Variants in TEX36 observed in about 807,000 individuals in gnomAD.
TEX36 encodes testis expressed 36.
A neutral mutation model predicts 13.6 loss-of-function variants in TEX36; 12 were observed. The ratio of observed to expected loss-of-function variants is 0.88; its 90% CI spans 0.56 to 1.43. The LOEUF is 1.43. Ranked by LOEUF, TEX36 falls within the 40% of genes most tolerant of loss-of-function variation. The pLI is 0.00. For missense variants in TEX36, 224 were observed against 228.3 expected, an observed-to-expected ratio of 0.98 and a Z score of 0.12; for synonymous variants, 93 against 83.0, an observed-to-expected ratio of 1.12 and a Z score of -0.65.
At chr10:125,596,365 G>A (rs1166761229) in intron 3 of TEX36, among the ~76,000 whole-genome samples, 1 of 152,148 alleles carries the variant, frequency 6.6e-6, no homozygotes, top group African/African-American at 2.4e-5. Flanking sequence ...TAGAAGGAAA[G>A]GGAAGAGGAG....
At position 125,679,417 on chromosome 10, in the gene TEX36, C is replaced by T. The variant is rs890299288; in HGVS notation, c.51+3522G>A. Among the ~76,000 whole-genome samples the T allele has an allele frequency of 6.6e-5, 10 of 152,170 alleles. No individual in the cohort carries two copies. In the South Asian group the frequency reaches 1.0e-3, roughly 16 times the overall value. ...AGATAGATTTGAAAATGGCACCTTGCTATAGCAGCCTGGGTCTCAGAAAGG... is the reference window on the plus strand; with the variant it reads ...AGATAGATTTGAAAATGGCACCTTGTTATAGCAGCCTGGGTCTCAGAAAGG... On this transcript the variant is annotated intron_variant, in intron 1 of 3. Coordinates refer to ENST00000368821, the MANE Select transcript of TEX36 (RefSeq NM_001128202.3).
intron 1 of TEX36, among the ~76,000 whole-genome samples, chr10:125,682,137 GA>G (rs1168930744): frequency 6.6e-6 from 1 of 152,082 alleles, no homozygotes; most frequent in Non-Finnish European, 1.5e-5. Context: ...ATGAATTGTA[GA>G]AATCAGAAAT....
rs540691861 is a variant in TEX36 at position 125,599,542 on chromosome 10, G to GGA, written c.265-22670_265-22669dup. 4.8e-4 allele frequency among the ~76,000 whole-genome samples: 73 copies of GGA among 152,222 alleles called. No individual in the cohort carries two copies. In the East Asian group the frequency reaches 7.1e-3, roughly 15 times the overall value. Reference sequence around the variant, plus strand: ...CATGTTCTTAGATTCCATGCATGCTGGAGGACCTGGATGAATAGCAAATGG... The same window carrying GGA: ...CATGTTCTTAGATTCCATGCATGCTGGAGAGGACCTGGATGAATAGCAAATGG... On this transcript the variant is annotated intron_variant, in intron 3 of 3. Coordinates refer to the TEX36 transcript ENST00000532135.
chr10:125,576,862 C>T (rs1335451628), exon 4 of TEX36: 5 of 1,536,110 alleles, frequency 3.3e-6, no homozygotes, highest in Admixed American at 2.0e-5. Flanking sequence ...GGGTCCGTTG[C>T]TGTCATTCTT....
At chr10:125,662,756 G>A (rs771609528) in intron 1 of TEX36, among the ~76,000 whole-genome samples, 16 of 152,174 alleles carry the variant, frequency 1.1e-4, no homozygotes, top group African/African-American at 1.2e-4. Context: ...ACCCCCAGAA[G>A]AAGGCGTGAC....
At chr10:125,605,634 C>T (rs1357493928) in intron 3 of TEX36, among the ~76,000 whole-genome samples, 1 of 152,162 alleles carries the variant, frequency 6.6e-6, no homozygotes, top group African/African-American at 2.4e-5. Flanking sequence ...TGGAGTCTCG[C>T]TCTGTCACCC....
At chr10:125,605,705 G>A (rs150417327) in intron 3 of TEX36, among the ~76,000 whole-genome samples, 10 of 152,192 alleles carry the variant, frequency 6.6e-5, no homozygotes, top group South Asian at 2.1e-4. Flanking sequence ...GGGTTCAAGC[G>A]ATTCTCCTGC....
Position 125,588,577 on chromosome 10 carries a change from A to C in TEX36, c.265-11703T>G, listed in dbSNP as rs1845985230. ...TGGGAGAAAGAGGGAGAGAAGCGGGAGGCCCCAGGCTCTTGGTTTGTTTGT... is the reference window on the plus strand; with the variant it reads ...TGGGAGAAAGAGGGAGAGAAGCGGGCGGCCCCAGGCTCTTGGTTTGTTTGT... On this transcript the variant is annotated intron_variant, in intron 3 of 3. Transcript: ENST00000532135. Among the ~76,000 whole-genome samples, 4 of 144,392 alleles carry C rather than the reference A, an allele frequency of 2.8e-5. 1 individual carries two copies. The South Asian group carries it at 8.8e-4, about 32-fold the overall frequency. The allele number at this position is 144,392 out of a possible 152,430, so 94.7% of individuals were successfully genotyped here.
chr10:125,631,974 G>C (rs1007531846), intron 3 of TEX36, among the ~76,000 whole-genome samples: 1 of 152,114 alleles, frequency 6.6e-6, no homozygotes, highest in Non-Finnish European at 1.5e-5. Flanking sequence ...GTGTGGTGGC[G>C]TGTGGAGGAG....
rs1020997663 is a variant in TEX36 at position 125,661,699 on chromosome 10, G to C, written c.183+147C>G. ...CTGCCGCAGAGCACCAGGGTATGGG[G>C]TGGGGATACTACCAACCCTTAGGGG... On this transcript the variant is annotated intron_variant, in intron 2 of 3. Coordinates refer to ENST00000368821, the MANE Select transcript of TEX36 (RefSeq NM_001128202.3). 3 of 1,001,876 alleles carry C rather than the reference G, an allele frequency of 3.0e-6. No individual in the cohort carries two copies. The African/African-American group carries it at 4.9e-5, about 16-fold the overall frequency. The allele number at this position is 1,001,876 out of a possible 1,614,324, so 62.1% of individuals were successfully genotyped here.
At chr10:125,586,048 C>A (rs560411742) in intron 3 of TEX36, among the ~76,000 whole-genome samples, 1 of 152,264 alleles carries the variant, frequency 6.6e-6, no homozygotes, top group East Asian at 1.9e-4. Context: ...CAGTAATAGA[C>A]GGCAACTGTG....
At chr10:125,604,715 G>A (rs184741108) in intron 3 of TEX36, among the ~76,000 whole-genome samples, 1,573 of 152,232 alleles carry the variant, frequency 0.01, 10 homozygotes, top group Middle Eastern at 0.027. Flanking sequence ...AGGAGGCTGA[G>A]GCAGAAGAAT....
chr10:125,640,965 T>C, intron 3 of TEX36, among the ~76,000 whole-genome samples: 1 of 146,810 alleles, frequency 6.8e-6, no homozygotes. Context: ...CCCACACCCA[T>C]CTCTCCCCCC....
At position 125,683,042 on chromosome 10, in the gene TEX36, G is replaced by A. The variant is rs1847422139; in HGVS notation, c.-53C>T. 6.5e-7 allele frequency: 1 copy of A among 1,541,736 alleles called. No individual in the cohort carries two copies. Among genetic ancestry groups the A allele is most frequent in the Non-Finnish European group, 8.8e-7 (1 of 1,138,068 alleles). ...GATTGGCTCCCTCACCTCTCCATAAGCTCTACATGTCTGGGAAGCTGCTTC... is the reference window on the plus strand; with the variant it reads ...GATTGGCTCCCTCACCTCTCCATAAACTCTACATGTCTGGGAAGCTGCTTC... On this transcript the variant is annotated 5_prime_UTR_variant, in exon 1 of 4. Transcript: ENST00000368821.
intron 1 of TEX36, among the ~76,000 whole-genome samples, chr10:125,681,384 T>C (rs970067739): frequency 1.3e-5 from 2 of 152,258 alleles, no homozygotes; most frequent in Non-Finnish European, 2.9e-5. Flanking sequence ...CAATTGTAAC[T>C]GATACATAGG....
At chr10:125,630,340 C>T (rs1468580191) in intron 3 of TEX36, among the ~76,000 whole-genome samples, 1 of 152,140 alleles carries the variant, frequency 6.6e-6, no homozygotes, top group Non-Finnish European at 1.5e-5. Flanking sequence ...GCTGGATACA[C>T]TTGAAGGCTT....
At chr10:125,631,462 A>G (rs920778811) in intron 3 of TEX36, among the ~76,000 whole-genome samples, 1 of 152,184 alleles carries the variant, frequency 6.6e-6, no homozygotes, top group Non-Finnish European at 1.5e-5. Flanking sequence ...CGCCGGAATG[A>G]GAGAAAAGCG....
At chr10:125,680,166 C>A (rs1232497865) in intron 1 of TEX36, among the ~76,000 whole-genome samples, 1 of 152,134 alleles carries the variant, frequency 6.6e-6, no homozygotes, top group African/African-American at 2.4e-5. Context: ...AAAGGGTCTT[C>A]GGGTTCTGAA....
At chr10:125,617,285 C>T (rs1439295935), downstream of TEX36, among the ~76,000 whole-genome samples, 2 of 152,000 alleles carry the variant, frequency 1.3e-5, no homozygotes, top group Admixed American at 6.6e-5. Context: ...AGTCCATTTA[C>T]ATTTAAAGTT....
Sources: allele counts gnomAD v4.1 joint callset (sites outside exome capture counted in the v4.1 genomes callset), GRCh38; gene constraint gnomAD v4.1.1; transcripts MANE v1.5; gene names NCBI Gene and HGNC (gene_info 2026-07-23, HGNC 2026-07-21).